The following DCUN1D4 variants were observed in gnomAD, a reference collection of about 807,000 sequenced individuals.
The protein encoded by DCUN1D4 is defective in cullin neddylation 1 domain containing 4.
In DCUN1D4, 22 loss-of-function variants were observed where a neutral mutation model predicts 47.9. That is an observed-to-expected ratio of 0.46 (90% CI 0.33 to 0.66). The LOEUF (loss-of-function observed/expected upper bound fraction) is 0.66. Ranked by LOEUF, DCUN1D4 falls within the 30% of genes least tolerant of loss-of-function variation. DCUN1D4 has a pLI of 0.02. For missense variants in DCUN1D4, 301 were observed against 340.8 expected (o/e 0.88, Z 0.92); for synonymous variants, 121 against 112.2 (o/e 1.08, Z -0.50).
intron 5 of DCUN1D4, among the ~76,000 whole-genome samples, chr4:51,885,226 G>A (rs1260819524): frequency 6.6e-6 from 1 of 152,174 alleles, no homozygotes; most frequent in Admixed American, 6.5e-5. Context: ...GGGTCGGGGG[G>A]AAAAGACTCT....
intron 7 of DCUN1D4, 45 bp downstream of exon 7, chr4:51,891,896 T>G (rs1318615811): frequency 2.5e-5 from 36 of 1,469,102 alleles, no homozygotes; most frequent in Non-Finnish European, 3.3e-5. Context: ...CCTTCCCAGG[T>G]GGTTGCCTCC....
chr4:51,881,526 C>T (rs924808149), intron 5 of DCUN1D4, among the ~76,000 whole-genome samples: 15 of 152,008 alleles, frequency 9.9e-5, no homozygotes, highest in African/African-American at 3.6e-4. Context: ...AGTTAGGGGC[C>T]CCTGCTTAAG....
chr4:51,866,686 A>G (rs770145319), intron 3 of DCUN1D4, among the ~76,000 whole-genome samples: 2 of 152,228 alleles, frequency 1.3e-5, no homozygotes, highest in Non-Finnish European at 2.9e-5. Flanking sequence ...TGAATTAGAT[A>G]AGTATTGTTA....
chr4:51,864,875 G>A (rs550440728), intron 3 of DCUN1D4, among the ~76,000 whole-genome samples: 6 of 152,252 alleles, frequency 3.9e-5, no homozygotes, highest in South Asian at 2.1e-4. Flanking sequence ...AGTTACAGTC[G>A]TCTTTTAGAC....
chr4:51,843,456 G>C, intron 1 of DCUN1D4, 189 bp downstream of exon 1: 1 of 1,249,862 alleles, frequency 8.0e-7, no homozygotes, highest in Non-Finnish European at 1.0e-6. Flanking sequence ...GCGGGGGCGG[G>C]CGTGGGGGGA....
intron 4 of DCUN1D4, chr4:51,874,740 A>G (rs1727419973): frequency 5.4e-6 from 1 of 183,858 alleles, no homozygotes; most frequent in African/African-American, 2.4e-5. Flanking sequence ...ATTCACTTCA[A>G]CCACAGAGCT....
At chr4:51,899,458 A>G in intron 8 of DCUN1D4, 80 bp downstream of exon 8, 1 of 1,493,264 alleles carries the variant, frequency 6.7e-7, no homozygotes. Context: ...TAGTTTTTAC[A>G]TGCCACAGCA....
At chr4:51,834,042 TTCTCTCTCTCTCTC>T in the DCUN1D4 span, among the ~76,000 whole-genome samples, 283 of 51,906 alleles carry the variant, frequency 5.5e-3, 3 homozygotes, top group Middle Eastern at 0.012. Context: ...TTAGGAGTCT[TTCTCTCTCTCTCTC>T]TCTCTCTCTC....
chr4:51,867,244 A>G (rs762708230), intron 3 of DCUN1D4, among the ~76,000 whole-genome samples: 8 of 152,156 alleles, frequency 5.3e-5, no homozygotes, highest in Non-Finnish European at 7.4e-5. Flanking sequence ...GACACCAGGA[A>G]CCACAGAACC....
chr4:51,901,194 G>C (rs1310613375), intron 8 of DCUN1D4, among the ~76,000 whole-genome samples: 1 of 152,044 alleles, frequency 6.6e-6, no homozygotes, highest in African/African-American at 2.4e-5. Context: ...ACAGCCTCTA[G>C]TACCTCCCCA....
intron 1 of DCUN1D4, among the ~76,000 whole-genome samples, chr4:51,850,282 A>G (rs958354143): frequency 1.1e-4 from 16 of 152,226 alleles, no homozygotes; most frequent in Non-Finnish European, 2.1e-4. Flanking sequence ...TTTGCCGCAC[A>G]GAAGTGTCTT....
At chr4:51,864,157 G>T (rs771679090) in intron 3 of DCUN1D4, among the ~76,000 whole-genome samples, 1 of 152,160 alleles carries the variant, frequency 6.6e-6, no homozygotes, top group Non-Finnish European at 1.5e-5. Context: ...TAACCCTGTG[G>T]TTCTCAGAGT....
chr4:51,840,152 T>C (rs1368202507), upstream of DCUN1D4, among the ~76,000 whole-genome samples: 1 of 152,150 alleles, frequency 6.6e-6, no homozygotes, highest in Non-Finnish European at 1.5e-5. Flanking sequence ...GATATTCAAT[T>C]ATTAATTTTT....
Position 51,913,513 on chromosome 4 carries a change from C to T in DCUN1D4, c.824-16C>T, listed in dbSNP as rs1385800456. The T allele has an allele frequency of 2.5e-6, 4 of 1,608,704 alleles. No individual in the cohort carries two copies. Among genetic ancestry groups the T allele is most frequent in the South Asian group, 2.2e-5 (2 of 90,566 alleles). On this transcript the variant is annotated splice_polypyrimidine_tract_variant and intron_variant, in intron 10 of 10. Transcript: ENST00000334635. Reference sequence around the variant, plus strand: ...ATTATTATTATTATTACTACTGTTTCTCTCTTTCTCTCCAGGGCCAGTTTT... The same window carrying T: ...ATTATTATTATTATTACTACTGTTTTTCTCTTTCTCTCCAGGGCCAGTTTT...
intron 3 of DCUN1D4, 133 bp from the exon 4 acceptor site, chr4:51,874,138 A>G (rs1451709107): frequency 2.1e-6 from 1 of 484,158 alleles, no homozygotes; most frequent in Non-Finnish European, 3.5e-6. Context: ...CTAAAAACCC[A>G]TCTTTTCTTT....
At chr4:51,906,526 A>C (rs1442266543) in intron 8 of DCUN1D4, among the ~76,000 whole-genome samples, 1 of 152,094 alleles carries the variant, frequency 6.6e-6, no homozygotes, top group Non-Finnish European at 1.5e-5. Flanking sequence ...CCTTCTCCAC[A>C]CAACCCACCC....
chr4:51,860,689 A>G (rs1005424830), intron 1 of DCUN1D4: 71 of 453,488 alleles, frequency 1.6e-4, no homozygotes, highest in Admixed American at 3.5e-4. Context: ...ACACACTTTT[A>G]AATGACTGAA....
intron 9 of DCUN1D4, among the ~76,000 whole-genome samples, chr4:51,913,003 T>A (rs537395306): frequency 3.3e-5 from 5 of 152,344 alleles, no homozygotes; most frequent in African/African-American, 4.8e-5. Context: ...TTATATAAAA[T>A]GGCTTTTGCA....
intron 5 of DCUN1D4, among the ~76,000 whole-genome samples, chr4:51,883,512 TTTGAGTCAAGA>T (rs1560491790): frequency 6.6e-6 from 1 of 152,196 alleles, no homozygotes; most frequent in Non-Finnish European, 1.5e-5. Context: ...AAATGTCGTA[TTTGAGTCAAGA>T]ATGAGATAAG....
Sources: allele counts gnomAD v4.1 joint callset (sites outside exome capture counted in the v4.1 genomes callset), GRCh38; gene constraint gnomAD v4.1.1; transcripts MANE v1.5; gene names NCBI Gene and HGNC (gene_info 2026-07-23, HGNC 2026-07-21).